LRRTM1: variants seen among roughly 807,000 people sequenced by gnomAD.
LRRTM1 encodes the protein leucine rich repeat transmembrane neuronal 1, also known as leucine-rich repeat transmembrane neuronal protein 1.
In LRRTM1, 8 loss-of-function variants were observed where a neutral mutation model predicts 37.3. That is an observed-to-expected ratio of 0.21 (90% CI 0.13 to 0.39). The LOEUF (loss-of-function observed/expected upper bound fraction) is 0.39. Among genes scored for constraint, LRRTM1 ranks in the 10% least tolerant of loss-of-function variants. The pLI, the probability that LRRTM1 is intolerant of heterozygous loss-of-function variation, is 1.00. For missense variants in LRRTM1, 557 were observed against 691.0 expected, an observed-to-expected ratio of 0.81 and a Z score of 2.17; for synonymous variants, 326 against 316.8, an observed-to-expected ratio of 1.03 and a Z score of -0.31.
chr2:80,299,891 G>T (rs1676086830), downstream of LRRTM1, among the ~76,000 whole-genome samples: 1 of 152,148 alleles, frequency 6.6e-6, no homozygotes, highest in African/African-American at 2.4e-5. Flanking sequence ...TTGGGCGCTG[G>T]ATTCCTGTAG....
Position 80,302,204 on chromosome 2 carries a change from T to G in LRRTM1, c.*47A>C, listed in dbSNP as rs748880856. 6.3e-7 allele frequency: 1 copy of G among 1,575,972 alleles called. No individual in the cohort carries two copies. Among genetic ancestry groups the G allele is most frequent in the Non-Finnish European group, 8.6e-7 (1 of 1,160,234 alleles). ...CTGGTGCCCGCCGGCCCGTCCCGGC[T>G]GCCCAGGCGTATTTGGTAGCGCATG... On this transcript the variant is annotated 3_prime_UTR_variant, in exon 2 of 2. Coordinates refer to ENST00000295057, the MANE Select transcript of LRRTM1 (RefSeq NM_178839.5). This position sits in a 1 kb window ranked among gnomAD's most constrained non-coding sequence, Gnocchi z 6.4.
At chr2:80,295,632 G>C (rs1305106734) in intron 2 of LRRTM1, among the ~76,000 whole-genome samples, 2 of 152,180 alleles carry the variant, frequency 1.3e-5, no homozygotes, top group South Asian at 2.1e-4. Context: ...AAACTGGAAA[G>C]GTTCTTAGGG....
rs1168813756 is a variant in LRRTM1, at chr2:80,303,720, C to T, written c.100G>A (p.Ala34Thr). ...LLGACFQMLP[A>T]APSGCPQLCR... The stretch of plus-strand genomic sequence containing the variant: ...AGCTGCGGGCACCCGCTGGGGGCGG[C>T]GGGCAGCATCTGAAAGCAGGCCCCC... Residue 34 changes from alanine (A) to threonine (T), a missense_variant, in exon 2 of 2, where the codon GCC (alanine) becomes ACC (threonine). Transcript: ENST00000295057. The surrounding 1 kb of genome is among the most constrained non-coding windows in gnomAD (Gnocchi z 7.7). 1 of 1,605,766 alleles carries T rather than the reference C, an allele frequency of 6.2e-7. No homozygotes were observed. The highest frequency in any genetic ancestry group is 1.7e-5 in the Admixed American group (1 of 59,460).
At position 80,303,560 on chromosome 2, in the gene LRRTM1, C is replaced by T. The variant is rs759656049; in HGVS notation, c.260G>A (p.Gly87Glu). Residue 87 changes from glycine to glutamate, a missense_variant, in exon 2 of 2, where the codon GGG (glycine) becomes GAG (glutamate). Around this residue, in one of 5 missense-constraint regions of LRRTM1, gnomAD observed 140 missense variants for 138.1 expected, o/e 1.01. Transcript: ENST00000295057. The surrounding 1 kb of genome is among the most constrained non-coding windows in gnomAD (Gnocchi z 7.7). ...ATAGAGCCACGTGAGCTGCATTAAC[C>T]CCGTGAACTGGCCGGCGCGCAGCTC... ...LSELRAGQFTGLMQLTWLYLD... is the reference protein window; with the variant it reads ...LSELRAGQFTELMQLTWLYLD... 1.2e-6 allele frequency: 2 copies of T among 1,614,246 alleles called. No individual in the cohort carries two copies. The highest frequency in any genetic ancestry group is 1.7e-6 in the Non-Finnish European group (2 of 1,180,054).
At position 80,302,289 on chromosome 2, in the gene LRRTM1, T is replaced by C; in HGVS notation, c.1531A>G (p.Thr511Ala). Residue 511 changes from threonine (T) to alanine (A), a missense_variant, in exon 2 of 2, where the codon ACC becomes GCC. Transcript: ENST00000295057. This position sits in a 1 kb window ranked among gnomAD's most constrained non-coding sequence, Gnocchi z 6.4. ...TCCCTCGCGGGCTGCTGGTGGCAGG[T>C]ACACGAGCCATACTCGTTGATGATC... Reference protein sequence around the residue: ...LVIINEYGSCTCHQQPARECE... With the variant: ...LVIINEYGSCACHQQPARECE... 2 of 1,613,540 alleles carry C rather than the reference T, an allele frequency of 1.2e-6. No individual in the cohort carries two copies. The highest frequency in any genetic ancestry group is 1.7e-6 in the Non-Finnish European group (2 of 1,179,906).
At chr2:80,298,014 T>C (rs112337580), downstream of LRRTM1, among the ~76,000 whole-genome samples, 1,159 of 151,492 alleles carry the variant, frequency 7.7e-3, 20 homozygotes, top group African/African-American at 0.027. Flanking sequence ...TGTGTGGTAC[T>C]ATGTGGTTTT....
chr2:80,302,089 C>T lies in LRRTM1; in HGVS notation c.*162G>A. 1.0e-6 allele frequency: 1 copy of T among 962,828 alleles called. No homozygotes were observed. The highest frequency in any genetic ancestry group is 1.5e-6 in the Non-Finnish European group (1 of 676,540). The allele number at this position is 962,828 out of a possible 1,614,324, so 59.6% of individuals were successfully genotyped here. A position where few individuals can be genotyped will look rare whatever the true frequency, so the allele number is the denominator to read the frequency against. On this transcript the variant is annotated 3_prime_UTR_variant, in exon 2 of 2. Coordinates refer to ENST00000295057, the MANE Select transcript of LRRTM1 (RefSeq NM_178839.5). The surrounding 1 kb of genome is among the most constrained non-coding windows in gnomAD (Gnocchi z 6.4). ...TTAATTCGCTTTTGTTTTTAAGACA[C>T]AATAAAGCTAAAATGTCAAGTCTCT...
downstream of LRRTM1, chr2:80,299,070 A>G (rs1676012719): frequency 6.6e-6 from 1 of 152,146 alleles, no homozygotes; most frequent in Non-Finnish European, 1.5e-5. Flanking sequence ...CTGGGAAGGT[A>G]CTGCAAATGG....
downstream of LRRTM1, among the ~76,000 whole-genome samples, chr2:80,300,158 C>CAA (rs910913231): frequency 1.3e-5 from 2 of 152,058 alleles, no homozygotes. Context: ...AAGCACCTCT[C>CAA]TTCTAGAACA....
chr2:80,294,692 C>G (rs559114119), intron 2 of LRRTM1, among the ~76,000 whole-genome samples: 14 of 152,148 alleles, frequency 9.2e-5, no homozygotes, highest in Middle Eastern at 3.4e-3. Context: ...ACACCCCAGA[C>G]CAGTTAACTC....
At chr2:80,294,095 G>A (rs905317217) in intron 2 of LRRTM1, among the ~76,000 whole-genome samples, 1 of 152,096 alleles carries the variant, frequency 6.6e-6, no homozygotes, top group African/African-American at 2.4e-5. Flanking sequence ...ATCAGAGAAG[G>A]AAAGGAAGGT....
chr2:80,304,013 G>C (rs971031724), intron 1 of LRRTM1, 135 bp from the exon 2 acceptor site: 3 of 550,054 alleles, frequency 5.5e-6, no homozygotes, highest in African/African-American at 3.9e-5. Context: ...CATGCAGAAA[G>C]CTGGGCAGCA....
At chr2:80,296,524 C>G (rs941668284) in intron 2 of LRRTM1, among the ~76,000 whole-genome samples, 1 of 152,170 alleles carries the variant, frequency 6.6e-6, no homozygotes, top group Admixed American at 6.5e-5. Flanking sequence ...TGCTGATTAT[C>G]AGTGAACCTA....
chr2:80,302,847 G>A lies in LRRTM1; in HGVS notation c.973C>T (p.Leu325=), dbSNP rs746213237. 205 of 1,614,124 alleles carry A rather than the reference G, an allele frequency of 1.3e-4. 1 individual carries two copies. The highest frequency in any genetic ancestry group is 6.3e-4 in the South Asian group (57 of 91,082). Reference sequence around the variant, plus strand: ...TGGAAGTTGTTGAGCCACGAGGCTAGGGCACACACGTTGCGCCCGCAATCC... The same window carrying A: ...TGGAAGTTGTTGAGCCACGAGGCTAAGGCACACACGTTGCGCCCGCAATCC... ...LWDCGRNVCA[L]ASWLNNFQGR... Residue 325 remains leucine, a synonymous_variant, in exon 2 of 2, where the codon CTA becomes TTA. Transcript: ENST00000295057. The surrounding 1 kb of genome is among the most constrained non-coding windows in gnomAD (Gnocchi z 6.4).
At chr2:80,300,284 GTGTGTGTGT>G (rs1676153205), downstream of LRRTM1, among the ~76,000 whole-genome samples, 1 of 12,090 alleles carries the variant, frequency 8.3e-5, no homozygotes, top group African/African-American at 4.6e-4. Context: ...GTGTTGGGGT[GTGTGTGTGT>G]GTGTGTGTGT....
chr2:80,294,837 C>G (rs913974298), intron 2 of LRRTM1, among the ~76,000 whole-genome samples: 2 of 152,046 alleles, frequency 1.3e-5, no homozygotes, highest in Non-Finnish European at 2.9e-5. Context: ...GAACGAATTC[C>G]TTCTTCTCAT....
chr2:80,288,947 GT>G (rs1573606161), exon 3 of LRRTM1: 12 of 152,270 alleles, frequency 7.9e-5, no homozygotes, highest in Admixed American at 6.5e-4. Context: ...CAAGAACACT[GT>G]TTCTCATGGG....
At chr2:80,291,794 G>A (rs998953774) in intron 2 of LRRTM1, among the ~76,000 whole-genome samples, 5 of 152,184 alleles carry the variant, frequency 3.3e-5, no homozygotes, top group African/African-American at 1.2e-4. Context: ...CTAGCCTTCA[G>A]CTCCTATGAA....
downstream of LRRTM1, among the ~76,000 whole-genome samples, chr2:80,301,002 G>C (rs926786827): frequency 2.6e-5 from 4 of 151,396 alleles, no homozygotes; most frequent in Admixed American, 2.0e-4. Context: ...CTGAGAAGAG[G>C]CAGCTTTTCT....
Sources: allele counts gnomAD v4.1 joint callset (sites outside exome capture counted in the v4.1 genomes callset), GRCh38; gene constraint gnomAD v4.1.1; regional missense constraint gnomAD v4.1.1; non-coding constraint Gnocchi (gnomAD v3.1); transcripts MANE v1.5; gene names NCBI Gene and HGNC (gene_info 2026-07-23, HGNC 2026-07-21).